Variants in CORO2B observed in about 807,000 individuals in gnomAD.
The protein encoded by CORO2B is coronin 2B, also known as coronin-2B.
In CORO2B, 26 loss-of-function variants were observed where a neutral mutation model predicts 58.8. That is an observed-to-expected ratio of 0.44 (90% CI 0.32 to 0.61). The LOEUF is 0.61. Ranked by LOEUF, CORO2B falls within the 20% of genes least tolerant of loss-of-function variation. The pLI is 0.04. For missense variants in CORO2B, 460 were observed against 645.1 expected, an observed-to-expected ratio of 0.71 and a Z score of 3.11; for synonymous variants, 242 against 253.8, an observed-to-expected ratio of 0.95 and a Z score of 0.44.
chr15:68,549,056 T>TA, the CORO2B span, among the ~76,000 whole-genome samples: 2 of 110,500 alleles, frequency 1.8e-5, no homozygotes, highest in Non-Finnish European at 4.7e-5. Flanking sequence ...ACTCCTCTTC[T>TA]TCCTTCCTTT....
intron 2 of CORO2B, among the ~76,000 whole-genome samples, chr15:68,665,752 G>C (rs1458928773): frequency 6.6e-6 from 1 of 151,868 alleles, no homozygotes; most frequent in Admixed American, 6.6e-5. Context: ...TTGTATACTA[G>C]AAAGCCATAA....
intron 1 of CORO2B, among the ~76,000 whole-genome samples, chr15:68,590,504 C>T (rs888006029): frequency 3.9e-5 from 6 of 152,044 alleles, no homozygotes; most frequent in African/African-American, 7.2e-5. Context: ...GGCCATAACC[C>T]GCTGGCTGCA....
chr15:68,600,508 TAGTC>T (rs543569680), intron 1 of CORO2B, among the ~76,000 whole-genome samples: 1 of 152,170 alleles, frequency 6.6e-6, no homozygotes, highest in Non-Finnish European at 1.5e-5. Flanking sequence ...CTGTAGGACT[TAGTC>T]GGAAAGACAA....
intron 3 of CORO2B, among the ~76,000 whole-genome samples, chr15:68,697,685 A>G (rs1892546622): frequency 6.6e-6 from 1 of 152,228 alleles, no homozygotes; most frequent in Non-Finnish European, 1.5e-5. Flanking sequence ...AATTAGGGAC[A>G]GTGGTCAGGG....
intron 8 of CORO2B, among the ~76,000 whole-genome samples, chr15:68,717,619 T>G (rs917182351): frequency 6.6e-6 from 1 of 152,232 alleles, no homozygotes; most frequent in East Asian, 1.9e-4. Context: ...TTTGCTGTGA[T>G]GTAGGCACTT....
At chr15:68,639,203 GC>G (rs1235756704) in intron 1 of CORO2B, among the ~76,000 whole-genome samples, 1 of 152,102 alleles carries the variant, frequency 6.6e-6, no homozygotes, top group Non-Finnish European at 1.5e-5. Context: ...CTTGGCTCTT[GC>G]CCCCCTACCA....
intron 11 of CORO2B, among the ~76,000 whole-genome samples, chr15:68,725,129 G>A (rs762096743): frequency 6.6e-5 from 10 of 152,168 alleles, no homozygotes; most frequent in Non-Finnish European, 1.3e-4. Context: ...AGCACTTTGG[G>A]AGGCTGAGGT....
chr15:68,523,931 TA>T, the CORO2B span, among the ~76,000 whole-genome samples: 1 of 152,142 alleles, frequency 6.6e-6, no homozygotes, highest in African/African-American at 2.4e-5. Flanking sequence ...TTTTTAAAAA[TA>T]TTTTTTTCCA....
the CORO2B span, among the ~76,000 whole-genome samples, chr15:68,552,244 G>A: frequency 1.3e-5 from 2 of 152,048 alleles, no homozygotes; most frequent in Non-Finnish European, 2.9e-5. Context: ...GAAAAATTAG[G>A]CCAAAACATC....
chr15:68,529,532 C>G, the CORO2B span, among the ~76,000 whole-genome samples: 1 of 151,926 alleles, frequency 6.6e-6, no homozygotes, highest in Non-Finnish European at 1.5e-5. Flanking sequence ...CATTATATTC[C>G]CTTACTGTGT....
At chr15:68,668,313 T>G (rs1483968335) in intron 2 of CORO2B, among the ~76,000 whole-genome samples, 1 of 152,034 alleles carries the variant, frequency 6.6e-6, no homozygotes, top group Non-Finnish European at 1.5e-5. Flanking sequence ...AAGAACCTTC[T>G]GGATCATGCA....
chr15:68,689,465 T>G (rs1892302665), intron 2 of CORO2B, among the ~76,000 whole-genome samples: 1 of 152,220 alleles, frequency 6.6e-6, no homozygotes, highest in Non-Finnish European at 1.5e-5. Flanking sequence ...GGGCTTGTTA[T>G]GAGGATTAAA....
chr15:68,570,453 A>C, the CORO2B span, among the ~76,000 whole-genome samples: 1 of 152,254 alleles, frequency 6.6e-6, no homozygotes, highest in African/African-American at 2.4e-5. Flanking sequence ...GATCTTGATC[A>C]TGAAGTCGTA....
intron 4 of CORO2B, among the ~76,000 whole-genome samples, chr15:68,711,099 C>A (rs1431129990): frequency 2.0e-5 from 3 of 152,180 alleles, no homozygotes; most frequent in Admixed American, 6.5e-5. Flanking sequence ...ATCTTTTCTG[C>A]CTTCTCTGGT....
chr15:68,529,077 A>G, the CORO2B span, among the ~76,000 whole-genome samples: 7 of 152,152 alleles, frequency 4.6e-5, no homozygotes, highest in Admixed American at 3.9e-4. Flanking sequence ...TGACACTCCA[A>G]TGTTTCCTGG....
At chr15:68,634,431 CA>C (rs1166605764) in intron 1 of CORO2B, among the ~76,000 whole-genome samples, 1 of 152,214 alleles carries the variant, frequency 6.6e-6, no homozygotes, top group East Asian at 1.9e-4. Context: ...AGCATGTTCA[CA>C]CACAGTATTA....
chr15:68,711,531 T>C lies in CORO2B; in HGVS notation c.484-11T>C. 1.2e-6 allele frequency: 2 copies of C among 1,607,102 alleles called. No individual in the cohort carries two copies. The highest frequency in any genetic ancestry group is 1.7e-6 in the Non-Finnish European group (2 of 1,175,510). On this transcript the variant is annotated splice_polypyrimidine_tract_variant and intron_variant, in intron 4 of 11. Transcript: ENST00000261861. ...CCACTGACCCTGCCTCCCATGCATC[T>C]GCCCTCGCAGGTCCTCATCTGGAAC... is the stretch of plus-strand genomic sequence containing the variant.
chr15:68,702,826 T>C (rs1040500288), intron 3 of CORO2B, among the ~76,000 whole-genome samples: 8 of 138,166 alleles, frequency 5.8e-5, no homozygotes, highest in East Asian at 2.0e-4. Flanking sequence ...TTTTTCTTTT[T>C]TTTTTTTTTT....
chr15:68,685,892 GGA>G (rs1902954453), intron 2 of CORO2B, among the ~76,000 whole-genome samples: 1 of 152,186 alleles, frequency 6.6e-6, no homozygotes, highest in South Asian at 2.1e-4. Flanking sequence ...TCTAGGCGGA[GGA>G]GAGAGACAGG....
Sources: allele counts gnomAD v4.1 joint callset (sites outside exome capture counted in the v4.1 genomes callset), GRCh38; gene constraint gnomAD v4.1.1; transcripts MANE v1.5; gene names NCBI Gene and HGNC (gene_info 2026-07-23, HGNC 2026-07-21).